Variants in ZNF268 observed in about 807,000 individuals in gnomAD.
ZNF268 encodes zinc finger protein 268.
A neutral mutation model predicts 29.3 loss-of-function variants in ZNF268; 20 were observed. The observed-to-expected ratio is 0.68, with a 90% CI of 0.48 to 0.99. The LOEUF is 0.99. Ranked by LOEUF, ZNF268 falls within the 50% of genes least tolerant of loss-of-function variation. The pLI is 0.00. For synonymous variants in ZNF268, 429 were observed against 376.9 expected (o/e 1.14, Z -1.60); for missense variants, 1,240 against 1,121.6 (o/e 1.11, Z -1.51).
chr12:133,187,077 C>T (rs980742018), intron 2 of ZNF268, among the ~76,000 whole-genome samples: 27 of 152,146 alleles, frequency 1.8e-4, no homozygotes, highest in African/African-American at 6.0e-4. Flanking sequence ...TGTTTTCAAC[C>T]AGTTATGTAG....
In ZNF268 at chr12:133,213,215, ATTT is replaced by A. The variant is rs1194733479; in HGVS notation, c.*8687_*8689del. 1 of 152,046 alleles carries A rather than the reference ATTT, an allele frequency of 6.6e-6. No homozygotes were observed. Among genetic ancestry groups the A allele is most frequent in the East Asian group, 1.9e-4 (1 of 5,190 alleles). 9.4% of individuals were successfully genotyped at this position (152,046 alleles called of 1,614,324 possible). ...GAAATGGTATCTCATTGTGGTTTTG[ATTT>A]TCCTTTACCTAATGGCTAGTGATGT... On this transcript the variant is annotated 3_prime_UTR_variant, in exon 6 of 6. Transcript: ENST00000536435.
chr12:133,192,972 T>C (rs546007818), intron 5 of ZNF268, among the ~76,000 whole-genome samples: 4 of 152,292 alleles, frequency 2.6e-5, no homozygotes, highest in African/African-American at 9.6e-5. Context: ...CTAATGGCTT[T>C]AACATTATCA....
At chr12:133,192,058 A>G in intron 5 of ZNF268, 55 bp downstream of exon 5, 2 of 1,429,160 alleles carry the variant, frequency 1.4e-6, no homozygotes, top group Non-Finnish European at 1.9e-6. Flanking sequence ...ATGAATTCCA[A>G]TGTGATGTGC....
rs1265926880 is a variant in ZNF268, at chr12:133,212,360, T to A, written c.*7830T>A. On this transcript the variant is annotated 3_prime_UTR_variant, in exon 6 of 6. Coordinates refer to ENST00000536435, the MANE Select transcript of ZNF268 (RefSeq NM_003415.3). ...TGCCAGCATGAACAAAAAGGCCACT[T>A]ATCACTCCAGGAGAGCAGGGTGTTC... 1 of 151,014 alleles carries A rather than the reference T, an allele frequency of 6.6e-6. No homozygotes were observed. The highest frequency in any genetic ancestry group is 6.6e-5 in the Admixed American group (1 of 15,098). 9.4% of individuals were successfully genotyped at this position (151,014 alleles called of 1,614,324 possible).
In ZNF268 at chr12:133,203,221, A is replaced by C. The variant is rs1179976246; in HGVS notation, c.1535A>C (p.Lys512Thr). Residue 512 changes from lysine (K) to threonine (T), a missense_variant, in exon 6 of 6, where the codon AAG (lysine) becomes ACG (threonine). Lys to Thr is a moderately conservative substitution (Grantham distance 78, BLOSUM62 -1). Transcript: ENST00000536435. ...CNECGKAFRS[K>T]SYLIIHTRTH... ...GAATGTGGCAAAGCCTTCAGGAGCA[A>C]GTCATACCTTATTATACATACAAGG... 6.5e-7 allele frequency: 1 copy of C among 1,538,042 alleles called. No homozygotes were observed. The highest frequency in any genetic ancestry group is 1.4e-5 in the African/African-American group (1 of 73,158).
chr12:133,190,558 GC>G (rs1291333676), intron 3 of ZNF268, among the ~76,000 whole-genome samples: 1 of 152,108 alleles, frequency 6.6e-6, no homozygotes, highest in Non-Finnish European at 1.5e-5. Flanking sequence ...ATGGTATTGA[GC>G]ATGCTTTGTA....
At chr12:133,185,865 TC>T (rs1566364400) in intron 2 of ZNF268, among the ~76,000 whole-genome samples, 2 of 152,200 alleles carry the variant, frequency 1.3e-5, no homozygotes, top group Admixed American at 6.5e-5. Context: ...AGTCCTCTTT[TC>T]TAAGAACCAG....
At chr12:133,184,642 T>C (rs980325031) in intron 2 of ZNF268, 3 of 405,478 alleles carry the variant, frequency 7.4e-6, no homozygotes, top group African/African-American at 2.1e-5. Context: ...TTTTTGAGAC[T>C]GAGTCTCGCT....
intron 2 of ZNF268, 100 bp downstream of exon 2, chr12:133,182,130 C>T (rs778061131): frequency 1.7e-6 from 2 of 1,198,642 alleles, no homozygotes; most frequent in Non-Finnish European, 2.4e-6. Context: ...AGCTTTCTCA[C>T]CCCACCGCTC....
chr12:133,201,876 T>C (rs944810101), intron 5 of ZNF268, among the ~76,000 whole-genome samples: 1 of 152,146 alleles, frequency 6.6e-6, no homozygotes, highest in Non-Finnish European at 1.5e-5. Flanking sequence ...AAACTTCTTA[T>C]CAGTTTACTA....
rs958637732 is a variant in ZNF268 at position 133,213,978 on chromosome 12, G to C, written c.*9448G>C. ...CACTCCAGCCTGGGCGACAGAGCGAGACTCCGTCTCAAAAAAAAAAAAGGT... is the reference window on the plus strand; with the variant it reads ...CACTCCAGCCTGGGCGACAGAGCGACACTCCGTCTCAAAAAAAAAAAAGGT... On this transcript the variant is annotated 3_prime_UTR_variant, in exon 6 of 6. Transcript: ENST00000536435. 6.8e-5 allele frequency: 8 copies of C among 117,636 alleles called. No homozygotes were observed. Among genetic ancestry groups the C allele is most frequent in the African/African-American group, 2.9e-4 (8 of 28,006 alleles). 7.3% of individuals were successfully genotyped at this position (117,636 alleles called of 1,614,324 possible). A position where few individuals can be genotyped will look rare whatever the true frequency, so the allele number is the denominator to read the frequency against.
chr12:133,204,615 TGTC>T lies in ZNF268; in HGVS notation c.*86_*88del. 1 of 1,079,334 alleles carries T rather than the reference TGTC, an allele frequency of 9.3e-7. No homozygotes were observed. Among genetic ancestry groups the T allele is most frequent in the Non-Finnish European group, 1.3e-6 (1 of 783,220 alleles). 66.9% of individuals were successfully genotyped at this position (1,079,334 alleles called of 1,614,324 possible). On this transcript the variant is annotated 3_prime_UTR_variant, in exon 6 of 6. Coordinates refer to ENST00000536435, the MANE Select transcript of ZNF268 (RefSeq NM_003415.3). The stretch of plus-strand genomic sequence containing the variant: ...AGAAACTCTGTAAGTGGAATCATCT[TGTC>T]ATCTTCCAGAAAACTCATACTGAAT...
chr12:133,181,673 TGGA>T lies in ZNF268; in HGVS notation c.-61_-59del. The T allele has an allele frequency of 2.8e-6, 1 of 353,848 alleles. No homozygotes were observed. Among genetic ancestry groups the T allele is most frequent in the Non-Finnish European group, 5.3e-6 (1 of 189,682 alleles). 21.9% of individuals were successfully genotyped at this position (353,848 alleles called of 1,614,324 possible). ...TCTATTCTGCTGCCCCTTCAGGGTT[TGGA>T]GGAGCCGGAGGTGCGGAATTCCTCC... On this transcript the variant is annotated 5_prime_UTR_variant, in exon 1 of 6. Transcript: ENST00000536435.
In ZNF268 at chr12:133,211,140, C is replaced by A; in HGVS notation, c.*6610C>A. Reference sequence around the variant, plus strand: ...CCTATATATTTGAAATAATGTATAGCAATAATTGGAATTTGTAATGAATAA... The same window carrying A: ...CCTATATATTTGAAATAATGTATAGAAATAATTGGAATTTGTAATGAATAA... On this transcript the variant is annotated 3_prime_UTR_variant, in exon 6 of 6. Coordinates refer to ENST00000536435, the MANE Select transcript of ZNF268 (RefSeq NM_003415.3). 3 of 377,702 alleles carry A rather than the reference C, an allele frequency of 7.9e-6. No individual in the cohort carries two copies. Among genetic ancestry groups the A allele is most frequent in the Non-Finnish European group, 1.1e-5 (2 of 186,564 alleles). 23.4% of individuals were successfully genotyped at this position (377,702 alleles called of 1,614,324 possible).
intron 5 of ZNF268, among the ~76,000 whole-genome samples, chr12:133,200,189 A>G (rs1475237934): frequency 6.6e-6 from 1 of 152,078 alleles, no homozygotes; most frequent in Non-Finnish European, 1.5e-5. Flanking sequence ...CCCTCTACAC[A>G]CTGCTTTGAA....
In ZNF268 at chr12:133,212,510, CACACACAT is replaced by C. The variant is rs1464293521; in HGVS notation, c.*7990_*7997del. 8 of 40,934 alleles carry C rather than the reference CACACACAT, an allele frequency of 2.0e-4. No homozygotes were observed. In the East Asian group the frequency reaches 9.4e-3, roughly 48 times the overall value. The allele number at this position is 40,934 out of a possible 1,614,324, so 2.5% of individuals were successfully genotyped here. The stretch of plus-strand genomic sequence containing the variant: ...ATATATATATATATGTATATATACA[CACACACAT>C]ACACACATATATACACATATATATA... On this transcript the variant is annotated 3_prime_UTR_variant, in exon 6 of 6. Coordinates refer to ENST00000536435, the MANE Select transcript of ZNF268 (RefSeq NM_003415.3).
chr12:133,197,499 C>A (rs981436665), intron 5 of ZNF268, among the ~76,000 whole-genome samples: 2 of 151,816 alleles, frequency 1.3e-5, no homozygotes, highest in African/African-American at 4.8e-5. Flanking sequence ...AATAAACATA[C>A]GTGTGCATGT....
intron 2 of ZNF268, among the ~76,000 whole-genome samples, chr12:133,185,101 T>C (rs1171982133): frequency 1.3e-5 from 2 of 151,256 alleles, no homozygotes; most frequent in East Asian, 3.9e-4. Context: ...GAAAAATCGC[T>C]TGAACCCCAG....
chr12:133,203,505 A>G lies in ZNF268; in HGVS notation c.1819A>G (p.Thr607Ala), dbSNP rs865911019. The G allele has an allele frequency of 7.1e-6, 11 of 1,544,866 alleles. No individual in the cohort carries two copies. The highest frequency in any genetic ancestry group is 4.1e-5 in the African/African-American group (3 of 73,136). Residue 607 changes from threonine (T) to alanine (A), a missense_variant, in exon 6 of 6, where the codon ACA (threonine) becomes GCA (alanine). By Grantham distance (58) the Thr-to-Ala change is moderately conservative. Around this residue, in one of 3 missense-constraint regions of ZNF268, gnomAD observed 1,177 missense variants for 1,039.6 expected, o/e 1.13. Transcript: ENST00000536435. ...SQLIIHQRTH[T>A]GEKPFECSEC... ...GCTTATTATACACCAGAGAACTCAT[A>G]CAGGGGAGAAACCATTTGAATGTAG...
Sources: allele counts gnomAD v4.1 joint callset (sites outside exome capture counted in the v4.1 genomes callset), GRCh38; gene constraint gnomAD v4.1.1; regional missense constraint gnomAD v4.1.1; transcripts MANE v1.5; gene names NCBI Gene and HGNC (gene_info 2026-07-23, HGNC 2026-07-21).